Variants in CCDC69 observed in about 807,000 individuals in gnomAD.
The protein encoded by CCDC69 is coiled-coil domain-containing protein 69.
In CCDC69, 38 loss-of-function variants were observed where a neutral mutation model predicts 40.3. The observed-to-expected ratio is 0.94, with a 90% confidence interval of 0.73 to 1.24. CCDC69 has a LOEUF of 1.24. Among genes scored for constraint, CCDC69 ranks in the 50% most tolerant of loss-of-function variants. The probability of loss-of-function intolerance (pLI) is 0.00; values close to 1 mark genes in which losing one functional copy is unlikely to be tolerated. For missense variants in CCDC69, 389 were observed against 357.9 expected, an observed-to-expected ratio of 1.09 and a Z score of -0.70; for synonymous variants, 141 against 138.9, an observed-to-expected ratio of 1.02 and a Z score of -0.11.
chr5:151,198,296 A>G (rs568549424), intron 4 of CCDC69, among the ~76,000 whole-genome samples: 155 of 53,632 alleles, frequency 2.9e-3, no homozygotes, highest in Non-Finnish European at 4.9e-3. Flanking sequence ...AGATTGATCT[A>G]TCTATCTATC....
chr5:151,219,068 A>G (rs1317162374), intron 1 of CCDC69, among the ~76,000 whole-genome samples: 1 of 152,200 alleles, frequency 6.6e-6, no homozygotes, highest in African/African-American at 2.4e-5. Flanking sequence ...GGTGGGCATT[A>G]GTTTCTAGGT....
chr5:151,203,371 A>T (rs1004328849), intron 2 of CCDC69, among the ~76,000 whole-genome samples: 1 of 151,526 alleles, frequency 6.6e-6, no homozygotes, highest in Non-Finnish European at 1.5e-5. Flanking sequence ...TTAGGTGGGC[A>T]TGGTGGCAGG....
rs1375458004 is a variant in CCDC69, at chr5:151,201,547, GGA to G, written c.231+33_231+34del. The stretch of plus-strand genomic sequence containing the variant: ...GGGATTCACCAAAGTTAGCTGAGCA[GGA>G]GAAAGACAGGGGGTGGGGGCACCTG... On this transcript the variant is annotated intron_variant, in intron 3 of 8. Transcript: ENST00000355417. 6 of 1,437,306 alleles carry G rather than the reference GGA, an allele frequency of 4.2e-6. No homozygotes were observed. In the Admixed American group the frequency reaches 1.0e-4, roughly 25 times the overall value. 89.0% of individuals were successfully genotyped at this position (1,437,306 alleles called of 1,614,324 possible). A position where few individuals can be genotyped will look rare whatever the true frequency, so the allele number is the denominator to read the frequency against.
chr5:151,191,855 C>A (rs1316535010), intron 4 of CCDC69, among the ~76,000 whole-genome samples: 1 of 151,902 alleles, frequency 6.6e-6, no homozygotes, highest in Non-Finnish European at 1.5e-5. Flanking sequence ...GAGGCGGAGT[C>A]AGGAGGACTG....
chr5:151,221,254 G>A lies in CCDC69; in HGVS notation c.48+2669C>T, dbSNP rs140683963. On this transcript the variant is annotated intron_variant, in intron 1 of 8. Transcript: ENST00000355417. Reference sequence around the variant, plus strand: ...TGGTCAAGCTCCTGTCCCTAGCCAGGATAATCCTTTCTAAAAGTGCCTGCC... The same window carrying A: ...TGGTCAAGCTCCTGTCCCTAGCCAGAATAATCCTTTCTAAAAGTGCCTGCC... Among the ~76,000 whole-genome samples the A allele has an allele frequency of 3.2e-4, 48 of 152,268 alleles. No homozygotes were observed. In the East Asian group the frequency reaches 6.4e-3, roughly 20 times the overall value.
chr5:151,191,178 A>C (rs1421871852), intron 4 of CCDC69, among the ~76,000 whole-genome samples: 1 of 152,214 alleles, frequency 6.6e-6, no homozygotes, highest in Admixed American at 6.5e-5. Flanking sequence ...GTAGGTAATA[A>C]GTAAAAGGGT....
At chr5:151,193,156 T>TG (rs1229624848) in intron 4 of CCDC69, among the ~76,000 whole-genome samples, 1 of 152,154 alleles carries the variant, frequency 6.6e-6, no homozygotes, top group South Asian at 2.1e-4. Context: ...CAATTCCCCA[T>TG]GGATACCTAG....
intron 4 of CCDC69, among the ~76,000 whole-genome samples, chr5:151,194,555 A>T (rs248445): frequency 6.6e-6 from 1 of 152,002 alleles, no homozygotes; most frequent in Non-Finnish European, 1.5e-5. Flanking sequence ...GCTTTTTGGG[A>T]GTGATAAAAC....
chr5:151,217,311 C>G (rs1410500142), intron 1 of CCDC69, among the ~76,000 whole-genome samples: 2 of 152,164 alleles, frequency 1.3e-5, no homozygotes, highest in Non-Finnish European at 2.9e-5. Context: ...GTCCAGGCAC[C>G]TCCTTGTTTA....
intron 1 of CCDC69, chr5:151,212,738 G>C (rs1271864073): frequency 6.6e-6 from 3 of 455,710 alleles, no homozygotes; most frequent in Non-Finnish European, 1.3e-5. Context: ...AGGAAGACCT[G>C]ATATTGTCTT....
intron 4 of CCDC69, among the ~76,000 whole-genome samples, chr5:151,191,000 C>T (rs948962214): frequency 2.0e-5 from 3 of 151,814 alleles, no homozygotes; most frequent in African/African-American, 7.3e-5. Context: ...AAAAACCCAC[C>T]TGATGGGATC....
chr5:151,185,654 C>A, intron 6 of CCDC69, 113 bp from the exon 7 acceptor site: 1 of 1,104,676 alleles, frequency 9.1e-7, no homozygotes. Flanking sequence ...TCTCTCAGCC[C>A]ATGTTAAGTG....
chr5:151,186,478 A>C (rs1450159393), intron 5 of CCDC69, among the ~76,000 whole-genome samples: 1 of 151,696 alleles, frequency 6.6e-6, no homozygotes, highest in Non-Finnish European at 1.5e-5. Flanking sequence ...GGAGAAGGAG[A>C]GGAGATGAAA....
intron 4 of CCDC69, among the ~76,000 whole-genome samples, chr5:151,198,538 G>C (rs1752733600): frequency 1.3e-5 from 2 of 152,302 alleles, no homozygotes; most frequent in East Asian, 3.9e-4. Flanking sequence ...TAACCACTGT[G>C]CTGTAAGATC....
intron 4 of CCDC69, among the ~76,000 whole-genome samples, chr5:151,196,190 C>T (rs1752697080): frequency 6.6e-6 from 1 of 152,182 alleles, no homozygotes; most frequent in South Asian, 2.1e-4. Flanking sequence ...CTTGCTCTGT[C>T]ACCCAGGCTG....
At chr5:151,222,040 G>A (rs1056256716) in intron 1 of CCDC69, among the ~76,000 whole-genome samples, 2 of 152,258 alleles carry the variant, frequency 1.3e-5, no homozygotes, top group African/African-American at 4.8e-5. Flanking sequence ...GAGGCAACAG[G>A]AGTAAAAGAT....
intron 8 of CCDC69, among the ~76,000 whole-genome samples, chr5:151,183,853 A>G (rs971544992): frequency 3.9e-5 from 6 of 152,286 alleles, no homozygotes; most frequent in African/African-American, 1.4e-4. Flanking sequence ...TTAGCTATAT[A>G]ATCTTGAATA....
intron 4 of CCDC69, among the ~76,000 whole-genome samples, chr5:151,196,521 G>A (rs1752702670): frequency 6.6e-6 from 1 of 152,022 alleles, no homozygotes; most frequent in African/African-American, 2.4e-5. Flanking sequence ...ATGATGAAAG[G>A]AAAAATCAGT....
In CCDC69 at chr5:151,201,696, T is replaced by A; in HGVS notation, c.125-8A>T. ...AGAGCTGGACAGTTATAGCTAGAGA[T>A]GAAAAAGCAAAAAAATAAAAATAAA... is the stretch of plus-strand genomic sequence containing the variant. On this transcript the variant is annotated splice_region_variant and splice_polypyrimidine_tract_variant and intron_variant, in intron 2 of 8. Transcript: ENST00000355417. 6.4e-7 allele frequency: 1 copy of A among 1,568,924 alleles called. No homozygotes were observed. Among genetic ancestry groups the A allele is most frequent in the Non-Finnish European group, 8.7e-7 (1 of 1,154,200 alleles).
Sources: gnomAD v4.1 joint callset for allele counts (sites outside exome capture counted in the v4.1 genomes callset) on GRCh38, gnomAD v4.1.1 for gene constraint, MANE v1.5 for transcripts, NCBI Gene and HGNC (gene_info 2026-07-23, HGNC 2026-07-21) for gene names.